ITGA9: variants seen among roughly 807,000 people sequenced by gnomAD.
ITGA9 encodes integrin alpha-9.
Under a neutral mutation model 127.8 loss-of-function variants are expected in ITGA9, and 56 were observed. That is an observed-to-expected ratio of 0.44 (90% CI 0.35 to 0.55). The LOEUF (loss-of-function observed/expected upper bound fraction) is 0.55. Ranked by LOEUF, ITGA9 falls within the 20% of genes least tolerant of loss-of-function variation. ITGA9 has a pLI of 0.00. For synonymous variants in ITGA9, 508 were observed against 514.5 expected, an observed-to-expected ratio of 0.99 and a Z score of 0.17; for missense variants, 1,196 against 1,347.1, an observed-to-expected ratio of 0.89 and a Z score of 1.76.
chr3:37,658,480 C>T (rs1439303341), intron 17 of ITGA9, among the ~76,000 whole-genome samples: 2 of 152,090 alleles, frequency 1.3e-5, no homozygotes, highest in Non-Finnish European at 2.9e-5. Context: ...GATTTAAAGT[C>T]TGTTTTATCA....
At chr3:37,734,163 T>TCAC (rs1465008627) in intron 19 of ITGA9, among the ~76,000 whole-genome samples, 5 of 152,202 alleles carry the variant, frequency 3.3e-5, no homozygotes, top group Admixed American at 6.5e-5. Context: ...CTGTCCACAT[T>TCAC]CACCCCAGGA....
chr3:37,513,937 G>T, intron 9 of ITGA9, 37 bp downstream of exon 9: 2 of 1,611,798 alleles, frequency 1.2e-6, no homozygotes, highest in Non-Finnish European at 8.5e-7. Context: ...GATGGGTGTG[G>T]GGGAGGGACA....
chr3:37,468,530 T>C (rs983591950), intron 1 of ITGA9, among the ~76,000 whole-genome samples: 17 of 152,174 alleles, frequency 1.1e-4, no homozygotes, highest in African/African-American at 3.9e-4. Flanking sequence ...AGACTTCTGT[T>C]GTATGATGTA....
At position 37,703,632 on chromosome 3, in the gene ITGA9, T is replaced by C. The variant is rs144448731; in HGVS notation, c.2067+19617T>C. ...TTTTCTTTCTTGTCAGGTTTTGGTG[T>C]CAGATTTCTGCTAGTGTTTGCAAAA... On this transcript the variant is annotated intron_variant, in intron 18 of 27. Transcript: ENST00000264741. Among the ~76,000 whole-genome samples the C allele has an allele frequency of 1.5e-3, 224 of 152,348 alleles. 1 individual carries two copies. The highest frequency in any genetic ancestry group is 5.3e-3 in the African/African-American group (219 of 41,580).
chr3:37,807,738 T>A (rs952155436), intron 27 of ITGA9: 5 of 152,286 alleles, frequency 3.3e-5, no homozygotes, highest in African/African-American at 1.2e-4. Flanking sequence ...AGACCCTGTC[T>A]CTAAAAGGAA....
intron 4 of ITGA9, among the ~76,000 whole-genome samples, chr3:37,487,834 CATAT>C (rs1202256536): frequency 6.6e-6 from 1 of 152,040 alleles, no homozygotes; most frequent in Non-Finnish European, 1.5e-5. Context: ...AAAAAAAAGT[CATAT>C]TTTTTTTCAA....
At chr3:37,632,657 A>G (rs1700239460) in intron 16 of ITGA9, among the ~76,000 whole-genome samples, 1 of 152,226 alleles carries the variant, frequency 6.6e-6, no homozygotes, top group African/African-American at 2.4e-5. Flanking sequence ...TCATTTTGAA[A>G]TGTCAGTGCT....
chr3:37,764,459 T>C (rs1395616244), intron 23 of ITGA9, among the ~76,000 whole-genome samples: 1 of 101,230 alleles, frequency 9.9e-6, no homozygotes, highest in African/African-American at 4.2e-5. Context: ...CACTCCGAGA[T>C]TCTCAGTAAA....
At chr3:37,711,726 G>A (rs558114312) in intron 18 of ITGA9, among the ~76,000 whole-genome samples, 1 of 152,328 alleles carries the variant, frequency 6.6e-6, no homozygotes, top group African/African-American at 2.4e-5. Flanking sequence ...TTCAAAGGGA[G>A]GAGTGTCAAA....
chr3:37,662,391 C>CA (rs34313581), intron 17 of ITGA9, among the ~76,000 whole-genome samples: 29,172 of 151,482 alleles, frequency 0.19, 3,491 homozygotes, highest in Admixed American at 0.29. Flanking sequence ...TGACCGGGGG[C>CA]AAAAAAATAA....
intron 14 of ITGA9, 141 bp downstream of exon 14, chr3:37,533,609 GA>G (rs1159889750): frequency 5.2e-6 from 4 of 765,108 alleles, no homozygotes; most frequent in Non-Finnish European, 8.8e-6. Flanking sequence ...CTTTCCCTCT[GA>G]GGTTCCTCCC....
chr3:37,484,566 A>C (rs1400044389), intron 4 of ITGA9, among the ~76,000 whole-genome samples: 1 of 152,226 alleles, frequency 6.6e-6, no homozygotes, highest in Non-Finnish European at 1.5e-5. Context: ...AGAGTTTGAC[A>C]GGACCTTTCA....
chr3:37,476,003 ATGT>A (rs1698489846), intron 3 of ITGA9, among the ~76,000 whole-genome samples: 1 of 152,204 alleles, frequency 6.6e-6, no homozygotes, highest in Non-Finnish European at 1.5e-5. Context: ...AAGGTTCATC[ATGT>A]TGTAGCATGT....
At chr3:37,739,983 G>C (rs935789884) in intron 20 of ITGA9, among the ~76,000 whole-genome samples, 1 of 152,222 alleles carries the variant, frequency 6.6e-6, no homozygotes, top group Non-Finnish European at 1.5e-5. Context: ...AACTGTGGAT[G>C]CCCCTGAGGG....
rs919741317 is a variant in ITGA9, at chr3:37,482,660, T to C, written c.544+1053T>C. 2.6e-5 allele frequency among the ~76,000 whole-genome samples: 4 copies of C among 152,318 alleles called. No homozygotes were observed. In the East Asian group the frequency reaches 7.7e-4, roughly 29 times the overall value. On this transcript the variant is annotated intron_variant, in intron 4 of 27. Coordinates refer to ENST00000264741, the MANE Select transcript of ITGA9 (RefSeq NM_002207.3). The stretch of plus-strand genomic sequence containing the variant: ...TAAAAAGGATTCATGAGAAACACTA[T>C]ATGGACACTGGGACCCTTCTGGGTA...
chr3:37,753,104 A>C (rs1378319112), intron 23 of ITGA9, among the ~76,000 whole-genome samples: 1 of 152,240 alleles, frequency 6.6e-6, no homozygotes, highest in Non-Finnish European at 1.5e-5. Context: ...CTGTGGACCT[A>C]GTGTCTGTCC....
rs557775600 is a variant in ITGA9 at position 37,516,146 on chromosome 3, C to T, written c.1036-1358C>T. Reference sequence around the variant, plus strand: ...AATCAGAAGGTGGACTCTTGAAGCACAAGAACTCCCCCAGGCCTCCACTGG... The same window carrying T: ...AATCAGAAGGTGGACTCTTGAAGCATAAGAACTCCCCCAGGCCTCCACTGG... On this transcript the variant is annotated intron_variant, in intron 9 of 27. Coordinates refer to ENST00000264741, the MANE Select transcript of ITGA9 (RefSeq NM_002207.3). Among the ~76,000 whole-genome samples, 549 of 152,290 alleles carry T rather than the reference C, an allele frequency of 3.6e-3. 10 individuals are homozygous for T. The highest frequency in any genetic ancestry group is 0.026 in the Admixed American group (403 of 15,304).
intron 11 of ITGA9, 67 bp downstream of exon 11, chr3:37,519,421 C>A: frequency 8.3e-7 from 1 of 1,205,090 alleles, no homozygotes; most frequent in Non-Finnish European, 1.2e-6. Flanking sequence ...ATGGAACCTT[C>A]ATTATGCACC....
intron 18 of ITGA9, among the ~76,000 whole-genome samples, chr3:37,701,772 T>A (rs1225788218): frequency 6.6e-6 from 1 of 152,180 alleles, no homozygotes; most frequent in Non-Finnish European, 1.5e-5. Context: ...ACTTCTGGCT[T>A]CTCAGTGACT....
Sources: gnomAD v4.1 joint callset for allele counts (sites outside exome capture counted in the v4.1 genomes callset) on GRCh38, gnomAD v4.1.1 for gene constraint, MANE v1.5 for transcripts, NCBI Gene and HGNC (gene_info 2026-07-23, HGNC 2026-07-21) for gene names.